The following RBMS3 variants were observed in gnomAD, a reference collection of about 807,000 sequenced individuals.
RBMS3 encodes RNA-binding motif, single-stranded-interacting protein 3.
Under a neutral mutation model 66.8 loss-of-function variants are expected in RBMS3, and 27 were observed. That is an observed-to-expected ratio of 0.40 (90% CI 0.30 to 0.56). The LOEUF (loss-of-function observed/expected upper bound fraction) is 0.56. Among genes scored for constraint, RBMS3 ranks in the 20% least tolerant of loss-of-function variants. The pLI, the probability that RBMS3 is intolerant of heterozygous loss-of-function variation, is 0.40. For synonymous variants in RBMS3, 188 were observed against 183.0 expected, an observed-to-expected ratio of 1.03 and a Z score of -0.22; for missense variants, 513 against 549.5, an observed-to-expected ratio of 0.93 and a Z score of 0.66.
chr3:29,510,645 C>G (rs146722625), intron 3 of RBMS3, among the ~76,000 whole-genome samples: 3,056 of 152,054 alleles, frequency 0.02, 42 homozygotes, highest in Middle Eastern at 0.024. Flanking sequence ...CAAAATGCTC[C>G]AATAAGCATT....
chr3:29,330,142 A>G (rs866491875), intron 1 of RBMS3, among the ~76,000 whole-genome samples: 2 of 152,022 alleles, frequency 1.3e-5, no homozygotes, highest in Admixed American at 6.6e-5. Flanking sequence ...TTTGGACAAA[A>G]CAGATCTAAC....
intron 2 of RBMS3, among the ~76,000 whole-genome samples, chr3:29,442,575 G>T (rs1422907734): frequency 6.6e-6 from 1 of 152,108 alleles, no homozygotes; most frequent in Admixed American, 6.6e-5. Flanking sequence ...ACTCTTTCTG[G>T]ATGTGCTGAG....
intron 14 of RBMS3, among the ~76,000 whole-genome samples, chr3:29,991,959 T>TAATGCAAAGTACATTTGGCTTTG (rs1402587126): frequency 6.6e-6 from 1 of 152,186 alleles, no homozygotes; most frequent in East Asian, 1.9e-4. Flanking sequence ...AAATCACTCA[T>TAATGCAAAGTACATTTGGCTTTG]AATGCAAAGT....
chr3:29,837,665 TATATATATATATA>T (rs1273674790), intron 6 of RBMS3, among the ~76,000 whole-genome samples: 128 of 16,712 alleles, frequency 7.7e-3, no homozygotes, highest in Admixed American at 0.022. Context: ...ATAATGAACA[TATATATATATATA>T]TATATATATA....
intron 7 of RBMS3, among the ~76,000 whole-genome samples, chr3:29,876,618 CAATAGTT>C (rs1319460565): frequency 6.6e-6 from 1 of 151,996 alleles, no homozygotes; most frequent in Non-Finnish European, 1.5e-5. Context: ...AGGACAAAGG[CAATAGTT>C]AATGCCTTCA....
intron 3 of RBMS3, among the ~76,000 whole-genome samples, chr3:29,502,703 T>C (rs2044023732): frequency 6.6e-6 from 1 of 152,322 alleles, no homozygotes; most frequent in East Asian, 1.9e-4. Context: ...GGTTTTCTGC[T>C]AACTTCAATT....
chr3:29,696,842 C>T lies in RBMS3; in HGVS notation c.400-42878C>T, dbSNP rs562717228. The T allele has an allele frequency of 8.5e-5, 48 of 561,548 alleles. No homozygotes were observed. The African/African-American group carries it at 9.6e-4, about 11-fold the overall frequency. 34.8% of individuals were successfully genotyped at this position (561,548 alleles called of 1,614,324 possible). A position where few individuals can be genotyped will look rare whatever the true frequency, so the allele number is the denominator to read the frequency against. ...CAACTCCAAGAGCCAGTGTAGGGTA[C>T]ACATCTTAGAGTCATCATACACAAG... is the stretch of plus-strand genomic sequence containing the variant. On this transcript the variant is annotated intron_variant, in intron 4 of 14. Coordinates refer to ENST00000383767, the MANE Select transcript of RBMS3 (RefSeq NM_001003793.3).
intron 4 of RBMS3, among the ~76,000 whole-genome samples, chr3:29,665,134 A>G (rs1460004644): frequency 6.6e-6 from 1 of 152,208 alleles, no homozygotes; most frequent in East Asian, 1.9e-4. Flanking sequence ...CCAGTCTTTT[A>G]GAAACCAATT....
intron 12 of RBMS3, among the ~76,000 whole-genome samples, chr3:29,946,609 G>A (rs547121361): frequency 6.6e-6 from 1 of 151,550 alleles, no homozygotes; most frequent in East Asian, 1.9e-4. Context: ...AATGCATAAA[G>A]TATAGAGAAT....
At chr3:29,994,477 G>A (rs1235855341) in intron 14 of RBMS3, among the ~76,000 whole-genome samples, 7 of 152,254 alleles carry the variant, frequency 4.6e-5, no homozygotes, top group African/African-American at 1.7e-4. Flanking sequence ...TCTGGGGACA[G>A]GGCACAGACA....
intron 4 of RBMS3, among the ~76,000 whole-genome samples, chr3:29,734,782 T>A (rs569606015): frequency 6.6e-6 from 1 of 152,268 alleles, no homozygotes; most frequent in South Asian, 2.1e-4. Context: ...ATGCAATATG[T>A]AATTTGGTGT....
At chr3:29,888,282 G>C (rs1281519537) in intron 8 of RBMS3, among the ~76,000 whole-genome samples, 1 of 151,538 alleles carries the variant, frequency 6.6e-6, no homozygotes, top group Non-Finnish European at 1.5e-5. Context: ...TCCAAATCAA[G>C]AGATTTTATA....
chr3:29,533,107 G>T (rs2045426563), intron 3 of RBMS3, among the ~76,000 whole-genome samples: 1 of 152,036 alleles, frequency 6.6e-6, no homozygotes, highest in Admixed American at 6.6e-5. Context: ...AACACATTTA[G>T]CCTAAATGGT....
intron 2 of RBMS3, among the ~76,000 whole-genome samples, chr3:29,446,545 A>G (rs888768973): frequency 6.6e-6 from 1 of 152,168 alleles, no homozygotes; most frequent in Admixed American, 6.5e-5. Flanking sequence ...TGGTATCAGA[A>G]TAAATACATA....
rs12495083 is a variant in RBMS3, at chr3:29,457,027, A to G, written c.248+22112A>G. ...TGAGCCACAGGAAAAAAGCACACCC[A>G]TGGGACAGCACAGCCATGCTCAGAG... On this transcript the variant is annotated intron_variant, in intron 2 of 14. Transcript: ENST00000383767. Among the ~76,000 whole-genome samples, 1,459 of 152,246 alleles carry G rather than the reference A, an allele frequency of 9.6e-3. 17 individuals are homozygous for G. Among genetic ancestry groups the G allele is most frequent in the African/African-American group, 0.033 (1,390 of 41,540 alleles).
Position 30,010,239 on chromosome 3 carries a change from G to A in RBMS3, c.*6377G>A, listed in dbSNP as rs749000233. The A allele has an allele frequency of 6.6e-6, 1 of 152,088 alleles. No individual in the cohort carries two copies. Among genetic ancestry groups the A allele is most frequent in the Non-Finnish European group, 1.5e-5 (1 of 68,012 alleles). The allele number at this position is 152,088 out of a possible 1,614,324, so 9.4% of individuals were successfully genotyped here. On this transcript the variant is annotated 3_prime_UTR_variant, in exon 15 of 15. Transcript: ENST00000383767. ...GTTCTGTAATTCTAAGGTGTTTCTG[G>A]TTTTATTTTTAATTTCTTCATCTGT...
chr3:29,761,625 C>G (rs1236761230), intron 5 of RBMS3, among the ~76,000 whole-genome samples: 2 of 152,126 alleles, frequency 1.3e-5, no homozygotes, highest in Non-Finnish European at 2.9e-5. Flanking sequence ...ATATGTATAA[C>G]TTACTTGACA....
At chr3:29,685,869 C>G (rs548715315) in intron 4 of RBMS3, among the ~76,000 whole-genome samples, 1 of 152,340 alleles carries the variant, frequency 6.6e-6, no homozygotes, top group Non-Finnish European at 1.5e-5. Flanking sequence ...ACCTTCTGCA[C>G]CACTGCTGCC....
chr3:29,994,646 C>T (rs570704929), intron 14 of RBMS3, among the ~76,000 whole-genome samples: 6 of 152,314 alleles, frequency 3.9e-5, no homozygotes, highest in Admixed American at 1.3e-4. Context: ...CTGGGAGGCA[C>T]CCCCCAGCAG....
Sources: allele counts gnomAD v4.1 joint callset (sites outside exome capture counted in the v4.1 genomes callset), GRCh38; gene constraint gnomAD v4.1.1; transcripts MANE v1.5; gene names NCBI Gene and HGNC (gene_info 2026-07-23, HGNC 2026-07-21).